The following EPG5 variants were observed in gnomAD, a reference collection of about 807,000 sequenced individuals.
EPG5 encodes the protein ectopic P-granules 5 autophagy tethering factor, also known as ectopic P granules protein 5 homolog.
A neutral mutation model predicts 302.7 loss-of-function variants in EPG5; 159 were observed. The observed-to-expected ratio is 0.53, with a 90% confidence interval of 0.46 to 0.60. The LOEUF is 0.60. Ranked by LOEUF, EPG5 falls within the 20% of genes least tolerant of loss-of-function variation. The pLI, the probability that EPG5 is intolerant of heterozygous loss-of-function variation, is 0.00. For synonymous variants in EPG5, 1,158 were observed against 1,136.8 expected, an observed-to-expected ratio of 1.02 and a Z score of -0.37; for missense variants, 2,896 against 3,092.4, an observed-to-expected ratio of 0.94 and a Z score of 1.51.
chr18:45,858,008 G>C lies in EPG5; in HGVS notation c.7287C>G (p.Leu2429=). 6.2e-7 allele frequency: 1 copy of C among 1,613,902 alleles called. No individual in the cohort carries two copies. The highest frequency in any genetic ancestry group is 8.5e-7 in the Non-Finnish European group (1 of 1,180,014). Residue 2429 remains leucine (L), a synonymous_variant, in exon 42 of 44, where the codon CTC becomes CTG. Coordinates refer to ENST00000282041, the MANE Select transcript of EPG5 (RefSeq NM_020964.3). ...LWWHQVLQLS[L]IQTEQNDSVL... ...CGGAGTCATTCTGCTCTGTCTGAATGAGGGAGAGCTGAAGGACTTGGTGCC... is the reference window on the plus strand; with the variant it reads ...CGGAGTCATTCTGCTCTGTCTGAATCAGGGAGAGCTGAAGGACTTGGTGCC...
the EPG5 span, among the ~76,000 whole-genome samples, chr18:45,807,221 A>G: frequency 6.6e-6 from 1 of 152,090 alleles, no homozygotes; most frequent in African/African-American, 2.4e-5. Context: ...CAGATGCAGC[A>G]AGACCTGCCC....
the EPG5 span, chr18:45,825,879 C>T: frequency 2.7e-5 from 39 of 1,418,554 alleles, no homozygotes; most frequent in South Asian, 4.0e-4. Context: ...AGCAGGTGTG[C>T]AGAGCCTCCA....
In EPG5 at chr18:45,912,301, T is replaced by C. The variant is rs550608897; in HGVS notation, c.3972A>G (p.Gly1324=). The C allele has an allele frequency of 6.3e-7, 1 of 1,598,766 alleles. No individual in the cohort carries two copies. Among genetic ancestry groups the C allele is most frequent in the Admixed American group, 1.8e-5 (1 of 54,940 alleles). ...KFFLLYLHRP[G]PQYGLPIDGC... Reference sequence around the variant, plus strand: ...ACTGGGCAGCATACCCATACTGTGGTCCCGGACGGTGAAGATACAGAAGGA... The same window carrying C: ...ACTGGGCAGCATACCCATACTGTGGCCCCGGACGGTGAAGATACAGAAGGA... Residue 1324 remains glycine, a synonymous_variant, in exon 22 of 44, where the codon GGA becomes GGG. Transcript: ENST00000282041.
intron 35 of EPG5, among the ~76,000 whole-genome samples, chr18:45,873,327 T>C (rs1485264704): frequency 2.0e-5 from 3 of 152,136 alleles, no homozygotes; most frequent in Non-Finnish European, 4.4e-5. Context: ...CTGGCCAATA[T>C]GGTGAAACCA....
the EPG5 span, among the ~76,000 whole-genome samples, chr18:45,812,903 G>A: frequency 1.3e-5 from 2 of 152,180 alleles, no homozygotes; most frequent in Non-Finnish European, 1.5e-5. Flanking sequence ...GGCAACAAAA[G>A]CCAAAATTGA....
intron 25 of EPG5, 31 bp from the exon 26 acceptor site, chr18:45,901,198 C>A: frequency 1.3e-6 from 2 of 1,587,844 alleles, no homozygotes; most frequent in Non-Finnish European, 1.7e-6. Context: ...ATATACTGAG[C>A]AATCAGGTGA....
chr18:45,840,769 A>C, the EPG5 span: 2 of 152,796 alleles, frequency 1.3e-5, no homozygotes, highest in Non-Finnish European at 2.9e-5. Context: ...GGCAGAGGGT[A>C]GGAGTGGGAG....
intron 10 of EPG5, among the ~76,000 whole-genome samples, chr18:45,935,948 C>A (rs914462759): frequency 1.3e-5 from 2 of 152,198 alleles, no homozygotes; most frequent in Admixed American, 6.5e-5. Context: ...CTCCTCTGCA[C>A]TATTACAGAA....
At position 45,899,577 on chromosome 18, in the gene EPG5, T is replaced by C. The variant is rs1410420309; in HGVS notation, c.4647-11A>G. 6 of 1,613,590 alleles carry C rather than the reference T, an allele frequency of 3.7e-6. No homozygotes were observed. ...CGAAGAGCTGCGGTTCTGAAAAACA[T>C]CATCAGGAGGTAAAAGAAAGTCTTA... On this transcript the variant is annotated splice_polypyrimidine_tract_variant and intron_variant, in intron 26 of 43. Coordinates refer to ENST00000282041, the MANE Select transcript of EPG5 (RefSeq NM_020964.3).
chr18:45,962,168 G>A (rs529774448), intron 1 of EPG5, among the ~76,000 whole-genome samples: 2 of 152,214 alleles, frequency 1.3e-5, no homozygotes, highest in South Asian at 2.1e-4. Context: ...TAGGAGGCAC[G>A]AAAGAAGCTA....
chr18:45,930,820 A>G lies in EPG5; in HGVS notation c.2268T>C (p.His756=). The part of the protein sequence containing the change: ...QCKQQLQDPE[H]FTNFEKCLSS... ...AAAGACACTTCTCAAAGTTGGTAAA[A>G]TGTTCTGGGTCTGCAAGTTCATATC... The change falls in exon 12 of 44, where the codon CAT becomes CAC. Residue 756 remains histidine (H), a synonymous_variant. Transcript: ENST00000282041. 1 of 1,592,908 alleles carries G rather than the reference A, an allele frequency of 6.3e-7. No individual in the cohort carries two copies. The highest frequency in any genetic ancestry group is 1.4e-5 in the African/African-American group (1 of 73,654).
chr18:45,852,723 C>T (rs2048440776), intron 43 of EPG5, 74 bp from the exon 44 acceptor site: 11 of 1,287,968 alleles, frequency 8.5e-6, no homozygotes, highest in Middle Eastern at 1.9e-4. Context: ...ACAGCACACC[C>T]ATTATCACTG....
the EPG5 span, chr18:45,840,270 C>T: frequency 6.2e-7 from 1 of 1,605,796 alleles, no homozygotes; most frequent in African/African-American, 1.3e-5. Context: ...TCCACCCTAC[C>T]CTACCCCACC....
intron 13 of EPG5, among the ~76,000 whole-genome samples, chr18:45,926,964 A>G (rs1260851799): frequency 1.3e-5 from 2 of 151,960 alleles, no homozygotes; most frequent in Admixed American, 1.3e-4. Flanking sequence ...TTCCTACTGT[A>G]TTGAACTGTA....
chr18:45,895,193 C>T (rs755777459), intron 27 of EPG5, among the ~76,000 whole-genome samples: 1 of 152,098 alleles, frequency 6.6e-6, no homozygotes, highest in Non-Finnish European at 1.5e-5. Context: ...AAGTTTCCAG[C>T]TTGGGAGACC....
At chr18:45,902,575 A>T (rs2049645433) in intron 25 of EPG5, among the ~76,000 whole-genome samples, 1 of 152,248 alleles carries the variant, frequency 6.6e-6, no homozygotes, top group South Asian at 2.1e-4. Flanking sequence ...AATAAAACAA[A>T]TTTAGTTTAA....
the EPG5 span, chr18:45,840,304 G>A: frequency 6.5e-7 from 1 of 1,538,064 alleles, no homozygotes. Flanking sequence ...TCACCCAGGG[G>A]GTCCAGGCAG....
chr18:45,949,563 G>C lies in EPG5; in HGVS notation c.1418C>G (p.Pro473Arg). Residue 473 changes from proline to arginine, a missense_variant, in exon 5 of 44, where the codon CCT becomes CGT. Pro to Arg is a moderately radical substitution (Grantham distance 103). Coordinates refer to ENST00000282041, the MANE Select transcript of EPG5 (RefSeq NM_020964.3). ...GTTTAGAAGGAAGAGGTGATCTCCA[G>C]GACAGCCAACTCTTTGTAGCACGGA... ...LVSVLQRVGC[P>R]GDHLFLLNHI... The C allele has an allele frequency of 6.2e-7, 1 of 1,612,660 alleles. No individual in the cohort carries two copies.
chr18:45,915,111 T>C (rs138833488), intron 20 of EPG5, among the ~76,000 whole-genome samples: 5,688 of 151,916 alleles, frequency 0.037, 314 homozygotes, highest in African/African-American at 0.12. Flanking sequence ...AAACCCTGAC[T>C]CTACTAAAAA....
Sources: allele counts gnomAD v4.1 joint callset (sites outside exome capture counted in the v4.1 genomes callset), GRCh38; gene constraint gnomAD v4.1.1; transcripts MANE v1.5; gene names NCBI Gene and HGNC (gene_info 2026-07-23, HGNC 2026-07-21).